Variants in PPP1R21 observed in about 807,000 individuals in gnomAD.
PPP1R21 encodes protein phosphatase 1 regulatory subunit 21.
A neutral mutation model predicts 112.8 loss-of-function variants in PPP1R21; 85 were observed. The ratio of observed to expected loss-of-function variants is 0.75; its 90% CI spans 0.63 to 0.90. PPP1R21 has a LOEUF of 0.90. Ranked by LOEUF, PPP1R21 falls within the 40% of genes least tolerant of loss-of-function variation. The pLI, the probability that PPP1R21 is intolerant of heterozygous loss-of-function variation, is 0.00. For missense variants in PPP1R21, 1,199 were observed against 901.5 expected (o/e 1.33, Z -4.23); for synonymous variants, 381 against 322.3 (o/e 1.18, Z -1.95).
chr2:48,504,603 T>A (rs1265679282), intron 17 of PPP1R21, among the ~76,000 whole-genome samples: 1 of 152,138 alleles, frequency 6.6e-6, no homozygotes, highest in Non-Finnish European at 1.5e-5. Flanking sequence ...GTCGCACCAT[T>A]GCACTCCAGC....
In PPP1R21 at chr2:48,461,702, C is replaced by T. The variant is rs1572843178; in HGVS notation, c.694+470C>T. Among the ~76,000 whole-genome samples the T allele has an allele frequency of 2.0e-5, 3 of 152,184 alleles. No individual in the cohort carries two copies. In the East Asian group the frequency reaches 5.8e-4, roughly 29 times the overall value. On this transcript the variant is annotated intron_variant, in intron 7 of 21. Coordinates refer to ENST00000294952, the MANE Select transcript of PPP1R21 (RefSeq NM_001135629.3). ...TGGGAATGGTTTGATAATTTACATT[C>T]CCAGGAACAACAAAAAGTTAAAAAA... is the stretch of plus-strand genomic sequence containing the variant.
chr2:48,463,137 G>C (rs993593796), intron 7 of PPP1R21, among the ~76,000 whole-genome samples: 1 of 152,202 alleles, frequency 6.6e-6, no homozygotes, highest in African/African-American at 2.4e-5. Flanking sequence ...CTAGACTTTG[G>C]CAGAGAAACT....
intron 13 of PPP1R21, among the ~76,000 whole-genome samples, chr2:48,485,498 A>C (rs570176153): frequency 2.5e-4 from 38 of 152,314 alleles, no homozygotes; most frequent in African/African-American, 8.4e-4. Flanking sequence ...AAATTGGCTA[A>C]AGGGTGTAAT....
chr2:48,440,837 G>A lies in PPP1R21; in HGVS notation c.-117G>A, dbSNP rs946232198. 1.5e-5 allele frequency: 11 copies of A among 730,606 alleles called. No homozygotes were observed. The highest frequency in any genetic ancestry group is 8.2e-5 in the Admixed American group (3 of 36,554). 45.3% of individuals were successfully genotyped at this position (730,606 alleles called of 1,614,324 possible). A position where few individuals can be genotyped will look rare whatever the true frequency, so the allele number is the denominator to read the frequency against. On this transcript the variant is annotated 5_prime_UTR_variant, in exon 1 of 22. Coordinates refer to ENST00000294952, the MANE Select transcript of PPP1R21 (RefSeq NM_001135629.3). ...CGCGGCGGCGGCGGCGGCGGCGGCT[G>A]CGGTGGCCAAGCAGGCAGATACTGC... is the stretch of plus-strand genomic sequence containing the variant.
Position 48,511,431 on chromosome 2 carries a change from A to G in PPP1R21, c.2276A>G (p.Gln759Arg), listed in dbSNP as rs1349613768. 11 of 1,614,156 alleles carry G rather than the reference A, an allele frequency of 6.8e-6. No individual in the cohort carries two copies. Among genetic ancestry groups the G allele is most frequent in the Non-Finnish European group, 9.3e-6 (11 of 1,180,020 alleles). The change falls in exon 21 of 22, where the codon CAG becomes CGG. Residue 759 changes from glutamine to arginine, a missense_variant. Transcript: ENST00000294952. The stretch of plus-strand genomic sequence containing the variant: ...AGCATGAATGAGACATTATCTAAAC[A>G]GAGAGAAGAGATTGACACACTAAAG... ...LCSMNETLSK[Q>R]REEIDTLKMS...
chr2:48,454,570 C>A (rs748142950), intron 2 of PPP1R21, 25 bp from the exon 3 acceptor site: 1 of 1,613,652 alleles, frequency 6.2e-7, no homozygotes, highest in Admixed American at 1.7e-5. Context: ...ACTGTGAGGA[C>A]CAATCTGTTT....
chr2:48,498,190 A>G (rs1669936091), intron 16 of PPP1R21, among the ~76,000 whole-genome samples: 1 of 150,174 alleles, frequency 6.7e-6, no homozygotes, highest in Non-Finnish European at 1.5e-5. Context: ...TGTTCTAGTT[A>G]TTGGGTCTCT....
intron 7 of PPP1R21, among the ~76,000 whole-genome samples, chr2:48,462,935 C>T (rs972488000): frequency 3.3e-5 from 5 of 152,072 alleles, no homozygotes; most frequent in Non-Finnish European, 5.9e-5. Context: ...CAGACTGGTC[C>T]TTTCAAGGAG....
chr2:48,453,097 G>A (rs1230713203), intron 2 of PPP1R21, among the ~76,000 whole-genome samples: 5 of 152,048 alleles, frequency 3.3e-5, no homozygotes, highest in Non-Finnish European at 4.4e-5. Flanking sequence ...GGGATCACAG[G>A]CGTGCACCAC....
In PPP1R21 at chr2:48,474,831, T is replaced by G; in HGVS notation, c.1225+12T>G. The G allele has an allele frequency of 6.2e-7, 1 of 1,610,578 alleles. No individual in the cohort carries two copies. Among genetic ancestry groups the G allele is most frequent in the East Asian group, 2.2e-5 (1 of 44,836 alleles). On this transcript the variant is annotated intron_variant, in intron 12 of 21. Transcript: ENST00000294952. ...TCTTGCCTTGCCAAGTAAGTATGTT[T>G]GTTGCTTAGGGGTCAACTTCAAGGA...
intron 2 of PPP1R21, 46 bp downstream of exon 2, chr2:48,451,122 G>A: frequency 4.6e-6 from 7 of 1,513,418 alleles, no homozygotes; most frequent in African/African-American, 1.4e-5. Flanking sequence ...TTAGCATTTG[G>A]TGTTGCTCAA....
intron 17 of PPP1R21, among the ~76,000 whole-genome samples, chr2:48,504,825 A>G (rs1670299582): frequency 6.6e-6 from 1 of 152,136 alleles, no homozygotes; most frequent in South Asian, 2.1e-4. Context: ...TGTAGAAACA[A>G]ACTTTTAAAA....
At chr2:48,489,805 G>A (rs1172228189) in intron 14 of PPP1R21, among the ~76,000 whole-genome samples, 1 of 152,038 alleles carries the variant, frequency 6.6e-6, no homozygotes, top group African/African-American at 2.4e-5. Context: ...CAGCACTTTG[G>A]GAGGCTGAGG....
chr2:48,502,790 C>T (rs1354591748), intron 17 of PPP1R21, among the ~76,000 whole-genome samples: 2 of 149,016 alleles, frequency 1.3e-5, no homozygotes, highest in African/African-American at 2.5e-5. Context: ...ACGCCATTCT[C>T]CTGCCTCAGG....
chr2:48,485,661 A>G (rs986933104), intron 13 of PPP1R21, among the ~76,000 whole-genome samples: 9 of 151,688 alleles, frequency 5.9e-5, no homozygotes, highest in Non-Finnish European at 1.2e-4. Flanking sequence ...GACCATAGTA[A>G]TTTTGAGTTA....
intron 15 of PPP1R21, among the ~76,000 whole-genome samples, chr2:48,493,300 C>T (rs757183507): frequency 2.6e-5 from 4 of 152,140 alleles, no homozygotes; most frequent in South Asian, 2.1e-4. Flanking sequence ...CCACTGCGCC[C>T]GGCCTTACCT....
At position 48,451,231 on chromosome 2, in the gene PPP1R21, A is replaced by G. The variant is rs372601013; in HGVS notation, c.126+155A>G. ...ACAGTCTTTTGTGGTTAATTTTCCT[A>G]CTTGCTTAGGTAAGAACATGAGGTA... is the stretch of plus-strand genomic sequence containing the variant. On this transcript the variant is annotated intron_variant, in intron 2 of 21. Coordinates refer to ENST00000294952, the MANE Select transcript of PPP1R21 (RefSeq NM_001135629.3). 3.7e-4 allele frequency among the ~76,000 whole-genome samples: 56 copies of G among 152,258 alleles called. 2 individuals carry two copies. The South Asian group carries it at 0.011, about 30-fold the overall frequency.
intron 13 of PPP1R21, among the ~76,000 whole-genome samples, chr2:48,486,228 A>C (rs911200698): frequency 3.9e-5 from 6 of 152,090 alleles, no homozygotes; most frequent in Admixed American, 3.9e-4. Context: ...TGTGTTGGCT[A>C]TTCCTTTCCA....
At chr2:48,502,782 G>A (rs1204006533) in intron 17 of PPP1R21, among the ~76,000 whole-genome samples, 1 of 145,572 alleles carries the variant, frequency 6.9e-6, no homozygotes, top group Non-Finnish European at 1.5e-5. Context: ...CCGGGTTCAC[G>A]CCATTCTCCT....
Sources: gnomAD v4.1 joint callset for allele counts (sites outside exome capture counted in the v4.1 genomes callset) on GRCh38, gnomAD v4.1.1 for gene constraint, MANE v1.5 for transcripts, NCBI Gene and HGNC (gene_info 2026-07-23, HGNC 2026-07-21) for gene names.